The following MMS22L variants were observed in gnomAD, a reference collection of about 807,000 sequenced individuals.
MMS22L encodes protein MMS22-like.
A neutral mutation model predicts 159.1 loss-of-function variants in MMS22L; 74 were observed. That is an observed-to-expected ratio of 0.47 (90% CI 0.39 to 0.56). The LOEUF is 0.56. MMS22L is among the 20% of genes least tolerant of loss of function. MMS22L has a pLI of 0.00. For missense variants in MMS22L, 1,351 were observed against 1,422.1 expected (o/e 0.95, Z 0.80); for synonymous variants, 517 against 506.9 (o/e 1.02, Z -0.27).
intron 14 of MMS22L, among the ~76,000 whole-genome samples, chr6:97,212,812 A>G (rs1808534450): frequency 6.6e-6 from 1 of 152,222 alleles, no homozygotes; most frequent in African/African-American, 2.4e-5. Flanking sequence ...ATTTGCTCGA[A>G]TGGTTTTGAC....
intron 15 of MMS22L, among the ~76,000 whole-genome samples, chr6:97,185,846 T>C (rs1243801604): frequency 6.6e-6 from 1 of 152,150 alleles, no homozygotes; most frequent in Non-Finnish European, 1.5e-5. Flanking sequence ...TCACTGTCTA[T>C]TCCAATACTT....
At chr6:97,156,210 G>A (rs928276676) in intron 22 of MMS22L, among the ~76,000 whole-genome samples, 1 of 152,122 alleles carries the variant, frequency 6.6e-6, no homozygotes, top group Non-Finnish European at 1.5e-5. Context: ...TAAGTTCTTT[G>A]TAGATTCTGG....
At chr6:97,185,285 A>C (rs1805107236) in intron 15 of MMS22L, among the ~76,000 whole-genome samples, 1 of 152,116 alleles carries the variant, frequency 6.6e-6, no homozygotes, top group Non-Finnish European at 1.5e-5. Flanking sequence ...CTTCTTCTCC[A>C]TTAGTATCTC....
intron 14 of MMS22L, among the ~76,000 whole-genome samples, chr6:97,200,673 C>T (rs1807042462): frequency 6.6e-6 from 1 of 151,914 alleles, no homozygotes; most frequent in African/African-American, 2.4e-5. Context: ...GAGTAAAAGA[C>T]CTGTGATATC....
At chr6:97,174,771 CTGAAAGAG>C (rs1803960386) in intron 18 of MMS22L, among the ~76,000 whole-genome samples, 1 of 152,042 alleles carries the variant, frequency 6.6e-6, no homozygotes. Context: ...CACTGAAAGA[CTGAAAGAG>C]TACTACAGAA....
At chr6:97,257,332 T>G (rs1813926876) in intron 9 of MMS22L, among the ~76,000 whole-genome samples, 1 of 152,230 alleles carries the variant, frequency 6.6e-6, no homozygotes, top group Non-Finnish European at 1.5e-5. Context: ...CATTTAGCTA[T>G]CCCATCATTT....
At chr6:97,191,497 A>G (rs1341414697) in intron 14 of MMS22L, among the ~76,000 whole-genome samples, 1 of 150,132 alleles carries the variant, frequency 6.7e-6, no homozygotes, top group Non-Finnish European at 1.5e-5. Flanking sequence ...TCACATGGAA[A>G]AAGCATAATA....
chr6:97,154,383 AT>A (rs767816120), intron 22 of MMS22L, among the ~76,000 whole-genome samples: 2 of 152,166 alleles, frequency 1.3e-5, no homozygotes, highest in Admixed American at 1.3e-4. Flanking sequence ...ATTTACAAGT[AT>A]TTTTTCCCAT....
chr6:97,238,572 CGTGTGTGT>C (rs71740630), intron 11 of MMS22L, among the ~76,000 whole-genome samples: 9 of 91,538 alleles, frequency 9.8e-5, no homozygotes, highest in South Asian at 7.6e-4. Flanking sequence ...TGTCTCATCT[CGTGTGTGT>C]GTGTGTGTGT....
At chr6:97,168,469 C>T (rs1803204325) in intron 19 of MMS22L, among the ~76,000 whole-genome samples, 1 of 152,050 alleles carries the variant, frequency 6.6e-6, no homozygotes, top group African/African-American at 2.4e-5. Context: ...TTCCGAGCAA[C>T]TGGCATTTAA....
chr6:97,255,142 T>G (rs532548065), intron 9 of MMS22L, among the ~76,000 whole-genome samples: 1 of 152,154 alleles, frequency 6.6e-6, no homozygotes, highest in African/African-American at 2.4e-5. Context: ...GCGTTTCTGA[T>G]GAACTCATCT....
At chr6:97,263,474 AT>A in intron 8 of MMS22L, 26 bp from the exon 9 acceptor site, 1 of 1,266,454 alleles carries the variant, frequency 7.9e-7, no homozygotes, top group East Asian at 2.6e-5. Flanking sequence ...AAAATGTGTT[AT>A]TTATAAGACA....
In MMS22L at chr6:97,267,638, T is replaced by G. The variant is rs532797832; in HGVS notation, c.828+234A>C. The G allele has an allele frequency of 1.6e-5, 4 of 256,476 alleles. No individual in the cohort carries two copies. The South Asian group carries it at 7.4e-4, about 47-fold the overall frequency. The allele number at this position is 256,476 out of a possible 1,614,324, so 15.9% of individuals were successfully genotyped here. The stretch of plus-strand genomic sequence containing the variant: ...TTTGTCAAAATAGAAAAGGCTATTT[T>G]TCTTAAAAAAAAAAAAAAAAAGAAA... On this transcript the variant is annotated intron_variant, in intron 8 of 24. Transcript: ENST00000683635.
In MMS22L at chr6:97,151,861, C is replaced by G; in HGVS notation, c.3392G>C (p.Arg1131Thr). The part of the protein sequence containing the change: ...LVLVSEPQVK[R>T]LATENLQYMV... ...GTATTGCAGGTTCTCTGTGGCCAGCCTTTTAACTAGAAGGAAAAATTACAG... is the reference window on the plus strand; with the variant it reads ...GTATTGCAGGTTCTCTGTGGCCAGCGTTTTAACTAGAAGGAAAAATTACAG... The change falls in exon 23 of 25, where the codon AGG becomes ACG. Residue 1131 changes from arginine to threonine, a missense_variant. Coordinates refer to ENST00000683635, the MANE Select transcript of MMS22L (RefSeq NM_001350599.2). 1 of 1,613,242 alleles carries G rather than the reference C, an allele frequency of 6.2e-7. No individual in the cohort carries two copies. The highest frequency in any genetic ancestry group is 8.5e-7 in the Non-Finnish European group (1 of 1,179,446).
At chr6:97,257,592 A>C (rs113585247) in intron 9 of MMS22L, among the ~76,000 whole-genome samples, 378 of 152,170 alleles carry the variant, frequency 2.5e-3, no homozygotes, top group Non-Finnish European at 4.3e-3. Context: ...ACCACCACAC[A>C]TAGGTAATCT....
intron 21 of MMS22L, among the ~76,000 whole-genome samples, chr6:97,164,101 T>C (rs1802720205): frequency 6.6e-6 from 1 of 151,804 alleles, no homozygotes; most frequent in Admixed American, 6.6e-5. Context: ...CAGAAAGCAG[T>C]CAGGAGATTC....
intron 10 of MMS22L, chr6:97,253,363 C>T (rs1813437569): frequency 6.6e-6 from 1 of 152,124 alleles, no homozygotes; most frequent in Admixed American, 6.6e-5. Context: ...CAATGGCTCC[C>T]ATACCTCGTA....
chr6:97,156,361 C>T (rs565463844), intron 22 of MMS22L, among the ~76,000 whole-genome samples: 1 of 152,270 alleles, frequency 6.6e-6, no homozygotes, highest in African/African-American at 2.4e-5. Context: ...GTTGCCGTTG[C>T]TTTTGGTGTT....
intron 8 of MMS22L, chr6:97,267,652 A>G (rs559662079): frequency 1.9e-4 from 56 of 297,324 alleles, no homozygotes; most frequent in Non-Finnish European, 2.6e-4. Context: ...TAAAAAAAAA[A>G]AAAAAAAGAA....
Sources: allele counts gnomAD v4.1 joint callset (sites outside exome capture counted in the v4.1 genomes callset), GRCh38; gene constraint gnomAD v4.1.1; transcripts MANE v1.5; gene names NCBI Gene and HGNC (gene_info 2026-07-23, HGNC 2026-07-21).